Variants in AK5 observed in about 807,000 individuals in gnomAD.
AK5 encodes the protein adenylate kinase isoenzyme 5.
A neutral mutation model predicts 69.5 loss-of-function variants in AK5; 27 were observed. The ratio of observed to expected loss-of-function variants is 0.39; its 90% CI spans 0.29 to 0.54. The LOEUF (loss-of-function observed/expected upper bound fraction) is 0.54. Among genes scored for constraint, AK5 ranks in the 20% least tolerant of loss-of-function variants. The pLI, the probability that AK5 is intolerant of heterozygous loss-of-function variation, is 0.71. For synonymous variants in AK5, 260 were observed against 244.4 expected (o/e 1.06, Z -0.60); for missense variants, 531 against 700.4 (o/e 0.76, Z 2.73).
rs749850445 is a variant in AK5 at position 77,558,578 on chromosome 1, CTCTT to C, written c.1621-22_1621-19del. ...GATTTACAGATATTTCAGACTAACT[CTCTT>C]TTTTTCCTTTTAAATATAGATAAAT... On this transcript the variant is annotated intron_variant, in intron 13 of 13. Transcript: ENST00000354567. The C allele has an allele frequency of 1.8e-5, 25 of 1,402,568 alleles. No individual in the cohort carries two copies. Among genetic ancestry groups the C allele is most frequent in the South Asian group, 1.3e-4 (11 of 84,554 alleles). 86.9% of individuals were successfully genotyped at this position (1,402,568 alleles called of 1,614,324 possible).
At position 77,340,478 on chromosome 1, in the gene AK5, T is replaced by A. The variant is rs149285214; in HGVS notation, c.801T>A (p.Asn267Lys). Reference sequence around the variant, plus strand: ...AACAGCAGGGCCGACCAGACGACAATGTAAAAGCTACCCAAAGGAGACTAA... The same window carrying A: ...AACAGCAGGGCCGACCAGACGACAAAGTAAAAGCTACCCAAAGGAGACTAA... ...RAEQQGRPDD[N>K]VKATQRRLMN... Residue 267 changes from asparagine to lysine, a missense_variant, in exon 6 of 14, where the codon AAT becomes AAA. Transcript: ENST00000354567. The A allele has an allele frequency of 6.2e-7, 1 of 1,614,074 alleles. No homozygotes were observed. Among genetic ancestry groups the A allele is most frequent in the Non-Finnish European group, 8.5e-7 (1 of 1,179,978 alleles).
At chr1:77,402,774 A>G (rs1384327515) in intron 6 of AK5, among the ~76,000 whole-genome samples, 1 of 152,056 alleles carries the variant, frequency 6.6e-6, no homozygotes, top group Non-Finnish European at 1.5e-5. Context: ...ATGTGTCTTT[A>G]TAGCAGCATG....
chr1:77,513,193 TC>T (rs1410624526), intron 10 of AK5, among the ~76,000 whole-genome samples: 3 of 152,152 alleles, frequency 2.0e-5, no homozygotes, highest in African/African-American at 7.2e-5. Context: ...GACACCAGGC[TC>T]AGCCTTATGC....
intron 5 of AK5, among the ~76,000 whole-genome samples, chr1:77,331,380 A>G (rs1421524725): frequency 6.6e-6 from 1 of 152,178 alleles, no homozygotes; most frequent in Admixed American, 6.5e-5. Flanking sequence ...ATCACATGAA[A>G]GAAGACCTCT....
intron 5 of AK5, among the ~76,000 whole-genome samples, chr1:77,309,311 C>T (rs974419282): frequency 2.0e-5 from 3 of 152,126 alleles, no homozygotes; most frequent in Non-Finnish European, 2.9e-5. Flanking sequence ...TAAACACACA[C>T]GAACACTCAA....
At chr1:77,408,787 G>A (rs968302196) in intron 6 of AK5, among the ~76,000 whole-genome samples, 4 of 151,784 alleles carry the variant, frequency 2.6e-5, no homozygotes, top group Admixed American at 6.6e-5. Context: ...TTGGTTTGGG[G>A]GCACATGTAA....
At chr1:77,284,661 T>C (rs1486093432) in intron 1 of AK5, among the ~76,000 whole-genome samples, 1 of 152,230 alleles carries the variant, frequency 6.6e-6, no homozygotes, top group African/African-American at 2.4e-5. Flanking sequence ...TCTTGTAGCT[T>C]ACAGCAGAGA....
chr1:77,461,958 A>G (rs12048207), intron 8 of AK5, among the ~76,000 whole-genome samples: 2,938 of 152,320 alleles, frequency 0.019, 88 homozygotes, highest in East Asian at 0.12. Context: ...ATATACTGCA[A>G]AACGTGTGTG....
At chr1:77,558,111 T>G (rs1005032562) in intron 13 of AK5, among the ~76,000 whole-genome samples, 1 of 152,214 alleles carries the variant, frequency 6.6e-6, no homozygotes, top group Non-Finnish European at 1.5e-5. Context: ...ATACTGAAGA[T>G]CATCCTGGGT....
chr1:77,293,896 G>A lies in AK5; in HGVS notation c.351G>A (p.Glu117=). The part of the protein sequence containing the change: ...ESDTDLSETA[E]LIEEYEVFDP... ...ACACGGATCTCTCTGAGACTGCAGA[G>A]TTGATTGAGGAGTATGAGGTTTTTG... The change falls in exon 3 of 14, where the codon GAG becomes GAA. Residue 117 remains glutamate, a synonymous_variant. Transcript: ENST00000354567. The A allele has an allele frequency of 1.9e-6, 3 of 1,613,660 alleles. No individual in the cohort carries two copies. Among genetic ancestry groups the A allele is most frequent in the Non-Finnish European group, 2.5e-6 (3 of 1,179,842 alleles).
At chr1:77,377,147 G>C (rs535462166) in intron 6 of AK5, among the ~76,000 whole-genome samples, 1 of 152,002 alleles carries the variant, frequency 6.6e-6, no homozygotes, top group South Asian at 2.1e-4. Flanking sequence ...TTTCTCTCTT[G>C]ACTCTTGTCA....
chr1:77,362,130 T>C (rs570490761), intron 6 of AK5, among the ~76,000 whole-genome samples: 28 of 152,256 alleles, frequency 1.8e-4, no homozygotes, highest in Non-Finnish European at 3.1e-4. Context: ...AGGAAATAAA[T>C]GTTTGTTGGA....
intron 8 of AK5, among the ~76,000 whole-genome samples, chr1:77,461,443 G>C (rs911994524): frequency 5.3e-5 from 8 of 151,690 alleles, no homozygotes; most frequent in African/African-American, 1.9e-4. Flanking sequence ...GTCAGTCAAA[G>C]CATATATAAT....
Position 77,518,651 on chromosome 1 carries a change from G to T in AK5, c.1235G>T (p.Arg412Leu). The T allele has an allele frequency of 6.2e-7, 1 of 1,614,178 alleles. No homozygotes were observed. Among genetic ancestry groups the T allele is most frequent in the Non-Finnish European group, 8.5e-7 (1 of 1,180,018 alleles). ...CATCTCTCAACTGGCGAGCTCCTGC[G>T]TGAGGAACTGGCATCAGAATCTGAA... ...FTHLSTGELL[R>L]EELASESERS... The change falls in exon 11 of 14, where the codon CGT becomes CTT. Residue 412 changes from arginine to leucine, a missense_variant. Coordinates refer to ENST00000354567, the MANE Select transcript of AK5 (RefSeq NM_174858.3).
At position 77,357,095 on chromosome 1, in the gene AK5, G is replaced by A. The variant is rs150923646; in HGVS notation, c.891+16527G>A. ...GTCTCAGTAGACACCAAGGACATTG[G>A]GTAGGACTGCCAATTTCATATTTTG... On this transcript the variant is annotated intron_variant, in intron 6 of 13. Coordinates refer to ENST00000354567, the MANE Select transcript of AK5 (RefSeq NM_174858.3). Among the ~76,000 whole-genome samples the A allele has an allele frequency of 5.5e-3, 831 of 152,140 alleles. 5 individuals are homozygous for A. Among genetic ancestry groups the A allele is most frequent in the Non-Finnish European group, 8.8e-3 (596 of 67,996 alleles).
At position 77,547,626 on chromosome 1, in the gene AK5, A is replaced by C. The variant is rs149929570; in HGVS notation, c.1621-10976A>C. ...TTTTTTTATGAACTATGTATTCAAA[A>C]TCTGGTACTTAGGGCTTTACCTCAA... On this transcript the variant is annotated intron_variant, in intron 13 of 13. Coordinates refer to ENST00000354567, the MANE Select transcript of AK5 (RefSeq NM_174858.3). Among the ~76,000 whole-genome samples the C allele has an allele frequency of 3.9e-5, 6 of 152,244 alleles. No homozygotes were observed. The East Asian group carries it at 1.2e-3, about 29-fold the overall frequency.
intron 8 of AK5, among the ~76,000 whole-genome samples, chr1:77,460,723 A>AT (rs71588898): frequency 4.0e-4 from 59 of 149,350 alleles, no homozygotes; most frequent in East Asian, 5.9e-4. Context: ...TTTATGTGGA[A>AT]TTTTTTTTTT....
intron 6 of AK5, among the ~76,000 whole-genome samples, chr1:77,373,703 G>A (rs575383457): frequency 1.7e-4 from 25 of 150,956 alleles, no homozygotes; most frequent in South Asian, 4.2e-4. Context: ...TCCAGCTGGG[G>A]AGGCAGAGCA....
intron 8 of AK5, among the ~76,000 whole-genome samples, chr1:77,463,144 G>A (rs1446408895): frequency 1.3e-5 from 2 of 152,168 alleles, no homozygotes; most frequent in East Asian, 3.8e-4. Flanking sequence ...CTCTCCTAAT[G>A]TTTAAGAAGG....
Sources: allele counts gnomAD v4.1 joint callset (sites outside exome capture counted in the v4.1 genomes callset), GRCh38; gene constraint gnomAD v4.1.1; transcripts MANE v1.5; gene names NCBI Gene and HGNC (gene_info 2026-07-23, HGNC 2026-07-21).